The following MYO10 variants were observed in gnomAD, a reference collection of about 807,000 sequenced individuals.
MYO10 encodes unconventional myosin-X.
Under a neutral mutation model 257.3 loss-of-function variants are expected in MYO10, and 133 were observed. That is an observed-to-expected ratio of 0.52 (90% CI 0.45 to 0.60). MYO10 has a LOEUF of 0.60. Among genes scored for constraint, MYO10 ranks in the 20% least tolerant of loss-of-function variants. The pLI is 0.00. For missense variants in MYO10, 2,399 were observed against 2,635.7 expected (o/e 0.91, Z 1.97); for synonymous variants, 1,104 against 1,028.6 (o/e 1.07, Z -1.40).
intron 2 of MYO10, among the ~76,000 whole-genome samples, chr5:16,821,087 A>T (rs1531823): frequency 6.8e-6 from 1 of 146,772 alleles, no homozygotes; most frequent in Non-Finnish European, 1.5e-5. Context: ...TTTTATATAC[A>T]TATAATGTAT....
rs1554002458 is a variant in MYO10 at position 16,848,155 on chromosome 5, C to CTTTTTTTTTTTTCTTTCTT, written c.120+29453_120+29454insAAGAAAGAAAAAAAAAAAA. The stretch of plus-strand genomic sequence containing the variant: ...TGATTAAGCAAAGAACTACACATTT[C>CTTTTTTTTTTTTCTTTCTT]TTTTTTTTTTTTTTTTTTGTGAGAG... On this transcript the variant is annotated intron_variant, in intron 2 of 40. Transcript: ENST00000513610. Among the ~76,000 whole-genome samples the CTTTTTTTTTTTTCTTTCTT allele has an allele frequency of 6.2e-4, 70 of 113,560 alleles. 1 individual carries two copies. The highest frequency in any genetic ancestry group is 2.4e-3 in the African/African-American group (65 of 26,726). The allele number at this position is 113,560 out of a possible 152,430, so 74.5% of individuals were successfully genotyped here. A position where few individuals can be genotyped will look rare whatever the true frequency, so the allele number is the denominator to read the frequency against.
intron 19 of MYO10, among the ~76,000 whole-genome samples, chr5:16,745,066 G>A (rs1202696375): frequency 2.0e-5 from 3 of 152,216 alleles, no homozygotes; most frequent in East Asian, 1.9e-4. Flanking sequence ...CAGGCCGGGC[G>A]CGGTAGCTCA....
rs949002978 is a variant in MYO10 at position 16,780,708 on chromosome 5, A to C, written c.741+20T>G. Reference sequence around the variant, plus strand: ...ATTGTTATTATGGAAGAAAATGTGGATTAAATCACGTTTACTTACTTTTTC... The same window carrying C: ...ATTGTTATTATGGAAGAAAATGTGGCTTAAATCACGTTTACTTACTTTTTC... On this transcript the variant is annotated intron_variant, in intron 7 of 40. Coordinates refer to ENST00000513610, the MANE Select transcript of MYO10 (RefSeq NM_012334.3). The C allele has an allele frequency of 6.4e-6, 10 of 1,566,836 alleles. No homozygotes were observed. Among genetic ancestry groups the C allele is most frequent in the Non-Finnish European group, 7.8e-6 (9 of 1,152,384 alleles).
At chr5:16,780,863 A>G (rs1741401453) in intron 6 of MYO10, 122 bp from the exon 7 acceptor site, 1 of 981,870 alleles carries the variant, frequency 1.0e-6, no homozygotes. Flanking sequence ...CCTTTGACAT[A>G]GAAGCTTCCA....
intron 1 of MYO10, among the ~76,000 whole-genome samples, chr5:16,879,238 C>T (rs1388299706): frequency 6.6e-6 from 1 of 152,146 alleles, no homozygotes; most frequent in African/African-American, 2.4e-5. Context: ...AACTGAACAA[C>T]TCCTTTTCTA....
In MYO10 at chr5:16,754,897, A is replaced by G; in HGVS notation, c.1860T>C (p.His620=). The G allele has an allele frequency of 1.3e-6, 2 of 1,594,698 alleles. No homozygotes were observed. ...AGGAGCTTAGCGTTGCCATTAAGGA[A>G]TGCAGTGAGTCCTATTAGAAAAAGT... ...TVSSQFKDSL[H]SLMATLSSSN... Residue 620 remains histidine (H), a synonymous_variant, in exon 19 of 41, where the codon CAT becomes CAC. Coordinates refer to ENST00000513610, the MANE Select transcript of MYO10 (RefSeq NM_012334.3).
intron 9 of MYO10, among the ~76,000 whole-genome samples, chr5:16,774,983 T>TG (rs112097678): frequency 0.21 from 32,125 of 152,100 alleles, 3,492 homozygotes; most frequent in Middle Eastern, 0.23. Flanking sequence ...ACCCCAGCCC[T>TG]GCTCAGTGCC....
intron 2 of MYO10, among the ~76,000 whole-genome samples, chr5:16,818,415 T>TAA (rs1205256333): frequency 1.5e-4 from 21 of 139,180 alleles, no homozygotes; most frequent in African/African-American, 5.0e-4. Context: ...TGTGTGTATA[T>TAA]ATATATATAT....
At chr5:16,814,716 C>G (rs1204755230) in intron 3 of MYO10, 1 of 152,032 alleles carries the variant, frequency 6.6e-6, no homozygotes, top group East Asian at 1.9e-4. Flanking sequence ...ATGGTGGCTG[C>G]TTTATGGATA....
Position 16,769,089 on chromosome 5 carries a change from C to T in MYO10, c.1045G>A (p.Val349Ile). 2 of 1,611,120 alleles carry T rather than the reference C, an allele frequency of 1.2e-6. No homozygotes were observed. The highest frequency in any genetic ancestry group is 1.7e-6 in the Non-Finnish European group (2 of 1,178,994). Residue 349 changes from valine to isoleucine, a missense_variant, in exon 10 of 41, where the codon GTT becomes ATT. Val to Ile is a conservative substitution (Grantham distance 29). Transcript: ENST00000513610. ...ATAATCTTACCTGTTTTGAAGGAAA[C>T]CTGTGCCCCACCAGCAGTGATAAAT... The part of the protein sequence containing the change: ...IEFITAGGAQ[V>I]SFKTALGRSA...
chr5:16,680,237 G>T, intron 32 of MYO10, 133 bp from the exon 33 acceptor site: 2 of 1,110,856 alleles, frequency 1.8e-6, no homozygotes, highest in Non-Finnish European at 2.5e-6. Flanking sequence ...TCCTACATGT[G>T]TCCTGTCCTG....
chr5:16,674,484 A>C (rs1326133774), intron 35 of MYO10, among the ~76,000 whole-genome samples: 2 of 152,170 alleles, frequency 1.3e-5, no homozygotes, highest in Admixed American at 6.5e-5. Context: ...AAAGAAAAGA[A>C]AAGACACTTC....
intron 19 of MYO10, among the ~76,000 whole-genome samples, chr5:16,751,226 T>C (rs910260539): frequency 2.0e-4 from 31 of 152,120 alleles, no homozygotes; most frequent in Non-Finnish European, 2.8e-4. Flanking sequence ...AGATTTTTCC[T>C]GCGAAATTTC....
intron 28 of MYO10, among the ~76,000 whole-genome samples, chr5:16,687,902 C>G (rs146071434): frequency 6.6e-6 from 1 of 152,166 alleles, no homozygotes; most frequent in Non-Finnish European, 1.5e-5. Flanking sequence ...ATTTGTTGCA[C>G]TTTCAATTCT....
intron 19 of MYO10, chr5:16,738,526 G>T: frequency 2.7e-6 from 1 of 368,980 alleles, no homozygotes; most frequent in Non-Finnish European, 3.7e-6. Context: ...TTCTCAGCAG[G>T]TGTATGTGTA....
chr5:16,824,791 C>A (rs112054942), intron 2 of MYO10, among the ~76,000 whole-genome samples: 1 of 152,006 alleles, frequency 6.6e-6, no homozygotes, highest in Non-Finnish European at 1.5e-5. Context: ...CGCTTGAACC[C>A]GGGAGGCGGA....
intron 2 of MYO10, among the ~76,000 whole-genome samples, chr5:16,824,461 T>A (rs10077273): frequency 4.6e-5 from 7 of 152,156 alleles, no homozygotes; most frequent in Non-Finnish European, 8.8e-5. Context: ...AAAATGACAA[T>A]AGTACGGTCT....
intron 10 of MYO10, 53 bp from the exon 11 acceptor site, chr5:16,766,251 CA>C (rs1740863574): frequency 7.2e-7 from 1 of 1,395,692 alleles, no homozygotes; most frequent in Admixed American, 1.8e-5. Context: ...AGAAGCTAAC[CA>C]GGCTTAGCGA....
At chr5:16,934,340 T>C (rs1354158266) in intron 1 of MYO10, among the ~76,000 whole-genome samples, 1 of 152,242 alleles carries the variant, frequency 6.6e-6, no homozygotes. Flanking sequence ...TATATTTTCA[T>C]CAGATTTTCT....
Sources: allele counts gnomAD v4.1 joint callset (sites outside exome capture counted in the v4.1 genomes callset), GRCh38; gene constraint gnomAD v4.1.1; transcripts MANE v1.5; gene names NCBI Gene and HGNC (gene_info 2026-07-23, HGNC 2026-07-21).